HDAC9: variants seen among roughly 807,000 people sequenced by gnomAD.
HDAC9 encodes histone deacetylase 9.
A neutral mutation model predicts 139.4 loss-of-function variants in HDAC9; 41 were observed. The observed-to-expected ratio is 0.29, with a 90% CI of 0.23 to 0.38. The LOEUF (loss-of-function observed/expected upper bound fraction) is 0.38. Among genes scored for constraint, HDAC9 ranks in the 10% least tolerant of loss-of-function variants. The probability of loss-of-function intolerance (pLI) is 1.00; values close to 1 mark genes in which losing one functional copy is unlikely to be tolerated. For synonymous variants in HDAC9, 517 were observed against 476.2 expected (o/e 1.09, Z -1.12); for missense variants, 1,147 against 1,297.0 (o/e 0.88, Z 1.78).
chr7:18,187,708 T>C (rs1351471476), intron 2 of HDAC9, among the ~76,000 whole-genome samples: 1 of 152,208 alleles, frequency 6.6e-6, no homozygotes, highest in East Asian at 1.9e-4. Context: ...CCATACAGTG[T>C]TGCCTAGTGA....
intron 2 of HDAC9, among the ~76,000 whole-genome samples, chr7:18,572,407 A>G (rs902406314): frequency 1.3e-5 from 2 of 150,358 alleles, no homozygotes; most frequent in African/African-American, 5.0e-5. Context: ...CTCATTATGA[A>G]ACCCTATATT....
chr7:18,322,205 A>G (rs753239211), intron 1 of HDAC9, among the ~76,000 whole-genome samples: 2 of 152,220 alleles, frequency 1.3e-5, no homozygotes, highest in Non-Finnish European at 2.9e-5. Context: ...GCACAATCAG[A>G]AAATTATTTT....
intron 1 of HDAC9, among the ~76,000 whole-genome samples, chr7:18,437,649 A>G: frequency 6.6e-6 from 1 of 151,506 alleles, no homozygotes; most frequent in East Asian, 1.9e-4. Flanking sequence ...ATTGTTTGGT[A>G]CTATGCAGTG....
intron 22 of HDAC9, among the ~76,000 whole-genome samples, chr7:18,930,629 TACTG>T (rs1003928484): frequency 8.1e-5 from 12 of 147,920 alleles, no homozygotes; most frequent in Non-Finnish European, 1.8e-4. Context: ...TAAAAAAAAA[TACTG>T]AATTGCTTAT....
At chr7:18,189,093 C>G (rs936442231) in intron 2 of HDAC9, among the ~76,000 whole-genome samples, 2 of 152,092 alleles carry the variant, frequency 1.3e-5, no homozygotes, top group Non-Finnish European at 2.9e-5. Context: ...GGAACCAACC[C>G]AAATGCCCAT....
At chr7:18,767,381 A>G (rs2129161304) in intron 16 of HDAC9, among the ~76,000 whole-genome samples, 2 of 152,326 alleles carry the variant, frequency 1.3e-5, no homozygotes, top group African/African-American at 4.8e-5. Flanking sequence ...AATTAAACCA[A>G]GAGCAAGGCC....
chr7:18,763,037 A>T (rs1440671751), intron 15 of HDAC9, among the ~76,000 whole-genome samples: 1 of 152,184 alleles, frequency 6.6e-6, no homozygotes, highest in Non-Finnish European at 1.5e-5. Flanking sequence ...TAACATTGGC[A>T]ATAGATGCTG....
intron 13 of HDAC9, among the ~76,000 whole-genome samples, chr7:18,732,574 C>CAT (rs1554339094): frequency 0.082 from 8,000 of 98,068 alleles, 1,241 homozygotes; most frequent in African/African-American, 0.25. Flanking sequence ...TATATATGTG[C>CAT]ATGTGTATAT....
intron 2 of HDAC9, among the ~76,000 whole-genome samples, chr7:18,549,782 G>A (rs1299543759): frequency 2.7e-5 from 4 of 150,446 alleles, no homozygotes; most frequent in South Asian, 2.1e-4. Context: ...TTATGCACAC[G>A]CACACCCACA....
chr7:18,880,602 T>C lies in HDAC9; in HGVS notation c.2803+6006T>C, dbSNP rs187043387. ...TCACTTTCAATTGGGAGCTAAATGA[T>C]GAACTTCTGAACACAGAGAAGGAAA... On this transcript the variant is annotated intron_variant, in intron 22 of 25. Coordinates refer to ENST00000686413, the MANE Select transcript of HDAC9 (RefSeq NM_178425.4). Among the ~76,000 whole-genome samples the C allele has an allele frequency of 2.4e-4, 36 of 152,210 alleles. No homozygotes were observed. In the East Asian group the frequency reaches 7.0e-3, roughly 29 times the overall value.
At chr7:18,414,107 T>C (rs565334473) in intron 1 of HDAC9, among the ~76,000 whole-genome samples, 1 of 152,290 alleles carries the variant, frequency 6.6e-6, no homozygotes, top group East Asian at 1.9e-4. Context: ...GCTGCTAAGA[T>C]ATTAAAGTAC....
intron 12 of HDAC9, chr7:18,668,917 A>G: frequency 1.0e-6 from 1 of 977,444 alleles, no homozygotes; most frequent in Non-Finnish European, 1.2e-6. Flanking sequence ...ACTAGATCTC[A>G]TATATCAAAA....
intron 2 of HDAC9, among the ~76,000 whole-genome samples, chr7:18,540,141 TG>T (rs1812325643): frequency 6.9e-6 from 1 of 145,870 alleles, no homozygotes; most frequent in Non-Finnish European, 1.5e-5. Context: ...GGAATTGTGG[TG>T]GGTGCCTGTA....
intron 12 of HDAC9, among the ~76,000 whole-genome samples, chr7:18,701,034 T>C (rs1416071800): frequency 6.6e-6 from 1 of 152,140 alleles, no homozygotes; most frequent in Non-Finnish European, 1.5e-5. Context: ...TGAAATCCCT[T>C]TCAGTTGGAC....
At chr7:18,573,537 C>G (rs183773380) in intron 2 of HDAC9, among the ~76,000 whole-genome samples, 1 of 152,208 alleles carries the variant, frequency 6.6e-6, no homozygotes, top group Admixed American at 6.5e-5. Context: ...ACAGGCTGCA[C>G]TCGGCTCGTG....
At chr7:18,176,707 T>TAAA (rs1788935464) in intron 2 of HDAC9, among the ~76,000 whole-genome samples, 1 of 152,178 alleles carries the variant, frequency 6.6e-6, no homozygotes, top group Non-Finnish European at 1.5e-5. Context: ...ACAGGTAAAC[T>TAAA]GTGTGTCACA....
chr7:18,227,324 C>T (rs998070627), intron 2 of HDAC9, among the ~76,000 whole-genome samples: 3 of 151,988 alleles, frequency 2.0e-5, no homozygotes, highest in Admixed American at 6.6e-5. Context: ...TATAAAAATT[C>T]GCTGTTTCCT....
chr7:18,877,685 T>C (rs934004842), intron 22 of HDAC9, among the ~76,000 whole-genome samples: 2 of 152,182 alleles, frequency 1.3e-5, no homozygotes, highest in African/African-American at 4.8e-5. Flanking sequence ...AGGGTTTTTG[T>C]TTGTTTTTAA....
intron 6 of HDAC9, among the ~76,000 whole-genome samples, chr7:18,608,236 C>T (rs182792955): frequency 3.3e-4 from 50 of 152,082 alleles, no homozygotes; most frequent in African/African-American, 1.2e-3. Context: ...GCCTCTAACT[C>T]AGTTACTTTA....
Sources: allele counts gnomAD v4.1 joint callset (sites outside exome capture counted in the v4.1 genomes callset), GRCh38; gene constraint gnomAD v4.1.1; transcripts MANE v1.5; gene names NCBI Gene and HGNC (gene_info 2026-07-23, HGNC 2026-07-21).